CLIP1: variants seen among roughly 807,000 people sequenced by gnomAD.
CLIP1 encodes CAP-Gly domain containing linker protein 1, also known as CAP-Gly domain-containing linker protein 1.
Under a neutral mutation model 161.6 loss-of-function variants are expected in CLIP1, and 66 were observed. That is an observed-to-expected ratio of 0.41 (90% CI 0.33 to 0.50). The LOEUF is 0.50. Ranked by LOEUF, CLIP1 falls within the 20% of genes least tolerant of loss-of-function variation. CLIP1 has a pLI of 0.27. For missense variants in CLIP1, 1,376 were observed against 1,702.0 expected (o/e 0.81, Z 3.37); for synonymous variants, 598 against 626.2 (o/e 0.96, Z 0.67).
rs1381387801 is a variant in CLIP1, at chr12:122,311,936, T to G, written c.3474-2054A>C. 6.6e-6 allele frequency among the ~76,000 whole-genome samples: 1 copy of G among 152,166 alleles called. No individual in the cohort carries two copies. The highest frequency in any genetic ancestry group is 2.1e-4 in the South Asian group (1 of 4,832). On this transcript the variant is annotated intron_variant, in intron 19 of 25. Coordinates refer to ENST00000620786, the MANE Select transcript of CLIP1 (RefSeq NM_001247997.2). The surrounding 1 kb of genome is among the most constrained non-coding windows in gnomAD (Gnocchi z 4.3). ...GATGACTTCAGTCGTGGTTCAGATA[T>G]AGAGCACTTTGTTTTTTCTTTAGTG...
rs999121093 is a variant in CLIP1, at chr12:122,271,625, A to T, written c.*1250T>A. 3 of 152,654 alleles carry T rather than the reference A, an allele frequency of 2.0e-5. No individual in the cohort carries two copies. Among genetic ancestry groups the T allele is most frequent in the African/African-American group, 7.2e-5 (3 of 41,460 alleles). 9.5% of individuals were successfully genotyped at this position (152,654 alleles called of 1,614,324 possible). Reference sequence around the variant, plus strand: ...TGAGGGGAAAATACATCAAAGGCATATATACAATTATAGAAGTTCTTATTG... The same window carrying T: ...TGAGGGGAAAATACATCAAAGGCATTTATACAATTATAGAAGTTCTTATTG... On this transcript the variant is annotated 3_prime_UTR_variant, in exon 26 of 26. Coordinates refer to ENST00000620786, the MANE Select transcript of CLIP1 (RefSeq NM_001247997.2).
At chr12:122,357,557 G>C (rs1469194446) in intron 5 of CLIP1, among the ~76,000 whole-genome samples, 2 of 76,366 alleles carry the variant, frequency 2.6e-5, no homozygotes, top group African/African-American at 6.1e-5. Context: ...GGAGGGAGGT[G>C]GGGGGGGTCA....
intron 24 of CLIP1, among the ~76,000 whole-genome samples, chr12:122,276,195 A>G (rs1248141500): frequency 1.3e-5 from 2 of 152,160 alleles, no homozygotes; most frequent in East Asian, 3.8e-4. Context: ...GGAGTTATGA[A>G]CAAAGTTAGC....
chr12:122,409,387 A>G (rs1392774868), intron 1 of CLIP1, among the ~76,000 whole-genome samples: 9 of 149,086 alleles, frequency 6.0e-5, no homozygotes, highest in East Asian at 4.0e-4. Flanking sequence ...TGGCTTCCCA[A>G]AGTGCTGGGA....
chr12:122,402,886 G>C (rs548324600), intron 1 of CLIP1, among the ~76,000 whole-genome samples: 103 of 152,194 alleles, frequency 6.8e-4, no homozygotes, highest in African/African-American at 2.4e-3. Context: ...TTTCATAATA[G>C]ATCTTTGAAA....
intron 1 of CLIP1, among the ~76,000 whole-genome samples, chr12:122,396,175 A>C (rs990628994): frequency 6.6e-6 from 1 of 152,158 alleles, no homozygotes; most frequent in East Asian, 1.9e-4. Flanking sequence ...TCATAAACTT[A>C]AAATGTTACC....
chr12:122,316,843 T>C lies in CLIP1; in HGVS notation c.3379A>G (p.Lys1127Glu), dbSNP rs766895146. The change falls in exon 19 of 26, where the codon AAA (lysine) becomes GAA (glutamate). Residue 1127 changes from lysine to glutamate, a missense_variant. Lys to Glu is a moderately conservative substitution (Grantham distance 56, BLOSUM62 1). Around this residue, in one of 6 missense-constraint regions of CLIP1, gnomAD observed 948 missense variants for 1,134.8 expected, o/e 0.84. Coordinates refer to ENST00000620786, the MANE Select transcript of CLIP1 (RefSeq NM_001247997.2). ...TCCACATTTTTCAAGTTGTTTTCTT[T>C]AAGTGTGTCCAACTTAAAGACCAAG... The part of the protein sequence containing the change: ...AKLQNELDTL[K>E]ENNLKNVEEL... 1 of 1,574,912 alleles carries C rather than the reference T, an allele frequency of 6.3e-7. No individual in the cohort carries two copies. The highest frequency in any genetic ancestry group is 8.6e-7 in the Non-Finnish European group (1 of 1,162,096).
chr12:122,365,112 C>A (rs1181067251), intron 3 of CLIP1, among the ~76,000 whole-genome samples: 2 of 151,800 alleles, frequency 1.3e-5, no homozygotes, highest in Non-Finnish European at 2.9e-5. Context: ...AGAGGGATAG[C>A]ATTAGGAGAT....
chr12:122,370,929 G>C (rs1954415785), intron 3 of CLIP1, among the ~76,000 whole-genome samples: 1 of 140,624 alleles, frequency 7.1e-6, no homozygotes, highest in South Asian at 2.2e-4. Flanking sequence ...CTGCACTCCA[G>C]CCTGGGCAAC....
At chr12:122,365,369 T>C (rs986451454) in intron 3 of CLIP1, 35 of 924,204 alleles carry the variant, frequency 3.8e-5, no homozygotes, top group Non-Finnish European at 5.5e-5. Context: ...CAGCATGCTG[T>C]TGGCATTGTT....
intron 1 of CLIP1, among the ~76,000 whole-genome samples, chr12:122,386,563 GT>G (rs1240087374): frequency 2.6e-5 from 4 of 152,252 alleles, no homozygotes; most frequent in Admixed American, 2.0e-4. Flanking sequence ...TCAGATTACA[GT>G]TTAGATTTTC....
chr12:122,422,490 A>T (rs1212213326), intron 1 of CLIP1, 31 bp downstream of exon 1: 1 of 151,668 alleles, frequency 6.6e-6, no homozygotes. Flanking sequence ...GTGCCGGGAA[A>T]GGGAGAGGGC....
upstream of CLIP1, chr12:122,422,719 C>CGCCCGGCCGGCCCGGCCG (rs1225428554): frequency 4.0e-5 from 4 of 99,420 alleles, no homozygotes; most frequent in Non-Finnish European, 1.0e-4. Flanking sequence ...CCGCCGCGCC[C>CGCCCGGCCGGCCCGGCCG]GCCCGGCCGG....
intron 1 of CLIP1, among the ~76,000 whole-genome samples, chr12:122,416,429 A>C (rs1956758487): frequency 6.6e-6 from 1 of 152,076 alleles, no homozygotes; most frequent in Non-Finnish European, 1.5e-5. Context: ...TTTGAGCCTC[A>C]TTTTCCCCCA....
chr12:122,344,378 G>A (rs542919787), intron 10 of CLIP1, among the ~76,000 whole-genome samples: 1 of 151,884 alleles, frequency 6.6e-6, no homozygotes, highest in South Asian at 2.1e-4. Flanking sequence ...AGTTTGTTAC[G>A]TCAAAATAAC....
At chr12:122,364,297 T>C (rs914369022) in intron 3 of CLIP1, among the ~76,000 whole-genome samples, 190 bp from the exon 4 acceptor site, 1 of 152,174 alleles carries the variant, frequency 6.6e-6, no homozygotes, top group African/African-American at 2.4e-5. Flanking sequence ...CTGACTTATA[T>C]TACCAGAGTG....
At chr12:122,347,525 G>A in intron 9 of CLIP1, 46 bp from the exon 10 acceptor site, 1 of 1,427,382 alleles carries the variant, frequency 7.0e-7, no homozygotes, top group Non-Finnish European at 9.9e-7. Flanking sequence ...GTGCCACCAT[G>A]ACATGCCAGC....
In CLIP1 at chr12:122,334,126, GT is replaced by G; in HGVS notation, c.2627-17del. ...TTTACAGTTTCTATTTAGGATAAAA[GT>G]TAGAAGTTTAATATGTTTCATATTT... On this transcript the variant is annotated splice_polypyrimidine_tract_variant and intron_variant, in intron 13 of 25. Transcript: ENST00000620786. 1.3e-6 allele frequency: 2 copies of G among 1,521,140 alleles called. No individual in the cohort carries two copies. The highest frequency in any genetic ancestry group is 1.8e-6 in the Non-Finnish European group (2 of 1,098,328). The allele number at this position is 1,521,140 out of a possible 1,614,324, so 94.2% of individuals were successfully genotyped here.
At chr12:122,364,993 C>A (rs1954062422) in intron 3 of CLIP1, 3 of 402,942 alleles carry the variant, frequency 7.4e-6, no homozygotes, top group Non-Finnish European at 1.4e-5. Context: ...GGACAAAAAA[C>A]CAAACACCGC....
Sources: gnomAD v4.1 joint callset for allele counts (sites outside exome capture counted in the v4.1 genomes callset) on GRCh38, gnomAD v4.1.1 for gene constraint, gnomAD v4.1.1 regional missense constraint, Gnocchi (gnomAD v3.1) non-coding constraint, MANE v1.5 for transcripts, NCBI Gene and HGNC (gene_info 2026-07-23, HGNC 2026-07-21) for gene names.